The following SCUBE2 variants were observed in gnomAD, a reference collection of about 807,000 sequenced individuals.
SCUBE2 encodes signal peptide, CUB domain and EGF like domain containing 2.
A neutral mutation model predicts 125.9 loss-of-function variants in SCUBE2; 114 were observed. That is an observed-to-expected ratio of 0.91 (90% CI 0.78 to 1.06). The LOEUF (loss-of-function observed/expected upper bound fraction) is 1.06. Among genes scored for constraint, SCUBE2 ranks in the 50% least tolerant of loss-of-function variants. SCUBE2 has a pLI of 0.00. For missense variants in SCUBE2, 1,255 were observed against 1,301.8 expected, an observed-to-expected ratio of 0.96 and a Z score of 0.55; for synonymous variants, 459 against 492.9, an observed-to-expected ratio of 0.93 and a Z score of 0.91.
intron 19 of SCUBE2, among the ~76,000 whole-genome samples, chr11:9,029,564 A>AT (rs1847061446): frequency 1.3e-5 from 2 of 152,384 alleles, no homozygotes; most frequent in South Asian, 4.1e-4. Flanking sequence ...TCCCAGCAGA[A>AT]TGCTGGGCAC....
At chr11:9,062,963 G>A (rs1304178220) in intron 7 of SCUBE2, among the ~76,000 whole-genome samples, 3 of 152,084 alleles carry the variant, frequency 2.0e-5, no homozygotes, top group African/African-American at 4.8e-5. Context: ...CAAAGAAGAC[G>A]GGTGCGGTGG....
At chr11:9,079,048 A>T (rs939087101) in intron 3 of SCUBE2, among the ~76,000 whole-genome samples, 10 of 131,556 alleles carry the variant, frequency 7.6e-5, no homozygotes, top group Non-Finnish European at 1.3e-4. Flanking sequence ...ATTCTAAAAC[A>T]GAAACACTTA....
chr11:9,091,043 C>T lies in SCUBE2; in HGVS notation c.133+353G>A, dbSNP rs1463087849. Among the ~76,000 whole-genome samples the T allele has an allele frequency of 6.6e-6, 1 of 152,200 alleles. No homozygotes were observed. Among genetic ancestry groups the T allele is most frequent in the Non-Finnish European group, 1.5e-5 (1 of 68,026 alleles). ...CGCCTCGCGGATGTGCCCGGCCCGG[C>T]CCTCAGTTTCCCCGCCTACGCTGAG... On this transcript the variant is annotated intron_variant, in intron 1 of 22. Coordinates refer to ENST00000649792, the MANE Select transcript of SCUBE2 (RefSeq NM_001367977.2). This position sits in a 1 kb window ranked among gnomAD's most constrained non-coding sequence, Gnocchi z 8.5.
At chr11:9,069,015 G>T (rs1295464004) in intron 5 of SCUBE2, among the ~76,000 whole-genome samples, 1 of 152,204 alleles carries the variant, frequency 6.6e-6, no homozygotes, top group Admixed American at 6.5e-5. Flanking sequence ...CGGAAAGGAG[G>T]CAGATGAGGT....
intron 16 of SCUBE2, among the ~76,000 whole-genome samples, chr11:9,043,453 C>A (rs1857418573): frequency 6.7e-6 from 1 of 148,426 alleles, no homozygotes; most frequent in Non-Finnish European, 1.5e-5. Flanking sequence ...GTTCCTTGGA[C>A]CCTATAATCA....
intron 2 of SCUBE2, among the ~76,000 whole-genome samples, chr11:9,087,275 C>T (rs1214980467): frequency 1.3e-5 from 2 of 152,176 alleles, no homozygotes; most frequent in South Asian, 2.1e-4. Flanking sequence ...TAAAAGTGTA[C>T]TTTATCTAAA....
intron 4 of SCUBE2, 21 bp downstream of exon 4, chr11:9,074,460 T>A: frequency 2.5e-6 from 4 of 1,613,628 alleles, no homozygotes; most frequent in Non-Finnish European, 3.4e-6. Flanking sequence ...TCTGCCCCCA[T>A]CCACAGCTGG....
At chr11:9,053,046 G>A in intron 12 of SCUBE2, 53 bp downstream of exon 12, 1 of 1,484,932 alleles carries the variant, frequency 6.7e-7, no homozygotes, top group Non-Finnish European at 9.4e-7. Context: ...CTGGAGGCCA[G>A]AGAGGCCTGG....
chr11:9,080,999 G>A (rs1389450589), intron 2 of SCUBE2, among the ~76,000 whole-genome samples: 3 of 152,226 alleles, frequency 2.0e-5, no homozygotes, highest in East Asian at 1.9e-4. Context: ...AATGCTCAAC[G>A]CCATTAGTTA....
chr11:9,058,448 T>A (rs1279895341), intron 9 of SCUBE2, among the ~76,000 whole-genome samples: 1 of 151,484 alleles, frequency 6.6e-6, no homozygotes, highest in Non-Finnish European at 1.5e-5. Flanking sequence ...ATGCAAAAAT[T>A]AGCCGGGTGT....
rs185663437 is a variant in SCUBE2, at chr11:9,063,253, A to G, written c.850+2638T>C. 1.1e-3 allele frequency among the ~76,000 whole-genome samples: 173 copies of G among 150,634 alleles called. 1 individual carries two copies. The highest frequency in any genetic ancestry group is 4.3e-3 in the African/African-American group (171 of 39,988). ...AGAACAAGACTCTGTCTCAAAAAAA[A>G]GAAAGAAAAAGAAATTTATCAAAGA... On this transcript the variant is annotated intron_variant, in intron 7 of 22. Transcript: ENST00000649792.
chr11:9,091,363 G>T lies in SCUBE2; in HGVS notation c.133+33C>A. ...AACACTCTTCCTGGCCCTGCCTGCT[G>T]TGCCAGGTGCGCCCCCGCGGCCGGA... On this transcript the variant is annotated intron_variant, in intron 1 of 22. Transcript: ENST00000649792. The surrounding 1 kb of genome is among the most constrained non-coding windows in gnomAD (Gnocchi z 8.5). 1.5e-6 allele frequency: 2 copies of T among 1,296,780 alleles called. No homozygotes were observed. Among genetic ancestry groups the T allele is most frequent in the South Asian group, 2.5e-5 (1 of 40,520 alleles). The allele number at this position is 1,296,780 out of a possible 1,614,324, so 80.3% of individuals were successfully genotyped here.
intron 3 of SCUBE2, among the ~76,000 whole-genome samples, chr11:9,078,337 C>T (rs1469466229): frequency 6.6e-6 from 1 of 152,198 alleles, no homozygotes; most frequent in Non-Finnish European, 1.5e-5. Context: ...TCACACAGGG[C>T]ACCAACAGGA....
intron 14 of SCUBE2, chr11:9,050,201 T>C (rs977609581): frequency 6.0e-6 from 1 of 167,884 alleles, no homozygotes; most frequent in African/African-American, 2.4e-5. Flanking sequence ...TAGATCTTTG[T>C]TCATCAAAGT....
intron 2 of SCUBE2, among the ~76,000 whole-genome samples, chr11:9,086,962 C>G (rs1334572994): frequency 6.6e-6 from 1 of 151,318 alleles, no homozygotes; most frequent in Non-Finnish European, 1.5e-5. Context: ...AACGACAGTA[C>G]AAAGGATGTA....
chr11:9,026,423 C>CTTTGTTTGTTTGTTTG (rs146316603), intron 20 of SCUBE2: 1 of 153,826 alleles, frequency 6.5e-6, no homozygotes, highest in East Asian at 1.9e-4. Context: ...CATCATCATT[C>CTTTGTTTGTTTGTTTG]TTTGTTTGTT....
chr11:9,035,949 C>T (rs918520904), intron 16 of SCUBE2, among the ~76,000 whole-genome samples: 5 of 152,130 alleles, frequency 3.3e-5, no homozygotes, highest in Non-Finnish European at 5.9e-5. Context: ...AGTGCAATGG[C>T]GCGATCTCAG....
chr11:9,035,713 A>T (rs894973288), intron 16 of SCUBE2, among the ~76,000 whole-genome samples: 4 of 149,942 alleles, frequency 2.7e-5, no homozygotes, highest in Non-Finnish European at 4.4e-5. Flanking sequence ...CCAAAATCTT[A>T]AAAAAAAAAT....
At chr11:9,035,908 A>C (rs941078179) in intron 16 of SCUBE2, among the ~76,000 whole-genome samples, 23 of 152,128 alleles carry the variant, frequency 1.5e-4, no homozygotes, top group Non-Finnish European at 2.9e-4. Flanking sequence ...ATTTTTTGAG[A>C]TGGAGTTTTC....
Sources: allele counts gnomAD v4.1 joint callset (sites outside exome capture counted in the v4.1 genomes callset), GRCh38; gene constraint gnomAD v4.1.1; non-coding constraint Gnocchi (gnomAD v3.1); transcripts MANE v1.5; gene names NCBI Gene and HGNC (gene_info 2026-07-23, HGNC 2026-07-21).